NEK4: variants seen among roughly 807,000 people sequenced by gnomAD.
NEK4 encodes serine/threonine-protein kinase Nek4.
Under a neutral mutation model 98.4 loss-of-function variants are expected in NEK4, and 86 were observed. The ratio of observed to expected loss-of-function variants is 0.87; its 90% CI spans 0.73 to 1.05. NEK4 has a LOEUF of 1.05. NEK4 is among the 50% of genes least tolerant of loss of function. The probability of loss-of-function intolerance (pLI) is 0.00; values close to 1 mark genes in which losing one functional copy is unlikely to be tolerated. For missense variants in NEK4, 898 were observed against 950.3 expected (o/e 0.94, Z 0.72); for synonymous variants, 328 against 342.2 (o/e 0.96, Z 0.46).
chr3:52,759,355 C>T (rs1033797749), intron 6 of NEK4, among the ~76,000 whole-genome samples: 1 of 151,214 alleles, frequency 6.6e-6, no homozygotes, highest in East Asian at 1.9e-4. Flanking sequence ...GAGCCGTGAT[C>T]GCAGCACTGC....
rs186887799 is a variant in NEK4, at chr3:52,719,316, G to C, written c.2434-7447C>G. The stretch of plus-strand genomic sequence containing the variant: ...ATAGGGTGGGCTAGTTTGCAGAGAC[G>C]ATTACAAAGCTGGGAGGAGGCCTCT... On this transcript the variant is annotated intron_variant, in intron 15 of 15. Transcript: ENST00000233027. Among the ~76,000 whole-genome samples, 8 of 152,202 alleles carry C rather than the reference G, an allele frequency of 5.3e-5. No homozygotes were observed. The East Asian group carries it at 1.2e-3, about 22-fold the overall frequency.
intron 4 of NEK4, among the ~76,000 whole-genome samples, chr3:52,765,509 T>C (rs1374689157): frequency 2.6e-5 from 4 of 152,192 alleles, no homozygotes; most frequent in Admixed American, 2.0e-4. Context: ...ATTGTTGTGA[T>C]GATTATCAAA....
chr3:52,734,274 G>A (rs571316273), intron 15 of NEK4, among the ~76,000 whole-genome samples: 12 of 152,002 alleles, frequency 7.9e-5, no homozygotes, highest in South Asian at 4.2e-4. Context: ...GTGAAACCCC[G>A]TCTCTACTCT....
intron 9 of NEK4, among the ~76,000 whole-genome samples, chr3:52,746,502 T>C (rs1252997090): frequency 6.6e-6 from 1 of 152,238 alleles, no homozygotes; most frequent in Non-Finnish European, 1.5e-5. Context: ...CACATTAGCC[T>C]ATTCCTTTAA....
At chr3:52,768,245 A>G (rs1396991842) in intron 2 of NEK4, 93 bp downstream of exon 2, 27 of 1,132,516 alleles carry the variant, frequency 2.4e-5, no homozygotes, top group Non-Finnish European at 3.3e-5. Context: ...ACATTTCTAT[A>G]TGTAAGTATC....
At chr3:52,737,385 ACAGGTG>A (rs1478827931) in intron 15 of NEK4, 195 bp downstream of exon 15, 3 of 492,604 alleles carry the variant, frequency 6.1e-6, no homozygotes, top group East Asian at 6.1e-5. Flanking sequence ...GTGACTGCTA[ACAGGTG>A]CAGGGCTTCT....
At chr3:52,733,624 A>C (rs2097372096) in intron 15 of NEK4, 2 of 499,624 alleles carry the variant, frequency 4.0e-6, no homozygotes, top group Non-Finnish European at 4.0e-6. Flanking sequence ...CGTTGAAAGC[A>C]TTTAGCAAGC....
intron 6 of NEK4, among the ~76,000 whole-genome samples, chr3:52,759,855 T>C (rs1698293818): frequency 6.6e-6 from 1 of 152,138 alleles, no homozygotes; most frequent in Non-Finnish European, 1.5e-5. Context: ...GATGAATGGA[T>C]AAACAGTGGT....
intron 15 of NEK4, among the ~76,000 whole-genome samples, chr3:52,735,264 G>A (rs1416052598): frequency 6.6e-6 from 1 of 152,200 alleles, no homozygotes; most frequent in Non-Finnish European, 1.5e-5. Context: ...CATCAGAGAT[G>A]TCTAAACTTT....
At chr3:52,769,329 T>C (rs1431217440) in intron 1 of NEK4, among the ~76,000 whole-genome samples, 1 of 152,196 alleles carries the variant, frequency 6.6e-6, no homozygotes, top group Non-Finnish European at 1.5e-5. Flanking sequence ...AGTCTGTGGA[T>C]TACGTTAGAT....
At chr3:52,715,389 TTCTC>T (rs1420660082) in intron 15 of NEK4, among the ~76,000 whole-genome samples, 3 of 152,096 alleles carry the variant, frequency 2.0e-5, no homozygotes, top group Non-Finnish European at 2.9e-5. Flanking sequence ...CTCTGAGCTG[TTCTC>T]TCTCTTTTTC....
At chr3:52,737,852 C>A in intron 14 of NEK4, 133 bp from the exon 15 acceptor site, 2 of 666,410 alleles carry the variant, frequency 3.0e-6, no homozygotes, top group Non-Finnish European at 4.6e-6. Flanking sequence ...CTTGCTCTGT[C>A]GCCCAGGCTG....
chr3:52,752,040 C>G lies in NEK4; in HGVS notation c.1260G>C (p.Gln420His), dbSNP rs760878294. ...ACCACATGGGAATCAGGTTTTCAGG[C>G]TGGGCACTGGATTTAGTGTTGTCCT... ...MLQDNTKSSA[Q>H]PENLIPMWSS... is the part of the protein sequence containing the mutation. The change falls in exon 7 of 16, where the codon CAG becomes CAC. Residue 420 changes from glutamine to histidine, a missense_variant. By Grantham distance (24) the Gln-to-His change is conservative (BLOSUM62 0). Coordinates refer to ENST00000233027, the MANE Select transcript of NEK4 (RefSeq NM_003157.6). The G allele has an allele frequency of 6.2e-7, 1 of 1,614,220 alleles. No individual in the cohort carries two copies. The highest frequency in any genetic ancestry group is 8.5e-7 in the Non-Finnish European group (1 of 1,180,038).
intron 7 of NEK4, among the ~76,000 whole-genome samples, chr3:52,750,800 G>T (rs1041233152): frequency 5.9e-5 from 9 of 151,860 alleles, no homozygotes; most frequent in African/African-American, 2.2e-4. Flanking sequence ...AATTAGCAGG[G>T]CATGTCTGTG....
chr3:52,738,067 C>A (rs1488788230), intron 14 of NEK4, among the ~76,000 whole-genome samples: 1 of 152,096 alleles, frequency 6.6e-6, no homozygotes, highest in Non-Finnish European at 1.5e-5. Flanking sequence ...CCCACCTCAG[C>A]CTCCCAAAGT....
chr3:52,714,394 T>C (rs954899798), intron 15 of NEK4, among the ~76,000 whole-genome samples: 2 of 152,158 alleles, frequency 1.3e-5, no homozygotes, highest in Non-Finnish European at 2.9e-5. Flanking sequence ...AAGGGAGGTG[T>C]GAGCGGTGAT....
At chr3:52,751,167 G>C (rs6445536) in intron 7 of NEK4, among the ~76,000 whole-genome samples, 1 of 151,930 alleles carries the variant, frequency 6.6e-6, no homozygotes, top group Non-Finnish European at 1.5e-5. Flanking sequence ...AAAAGTAGCC[G>C]GGCATCGGCC....
At chr3:52,758,153 T>C (rs1284115122) in intron 6 of NEK4, among the ~76,000 whole-genome samples, 1 of 120,230 alleles carries the variant, frequency 8.3e-6, no homozygotes, top group African/African-American at 3.3e-5. Context: ...CACTCCAGCC[T>C]GGGTGACACA....
chr3:52,763,914 G>A (rs553768527), intron 4 of NEK4, among the ~76,000 whole-genome samples: 1 of 152,322 alleles, frequency 6.6e-6, no homozygotes, highest in African/African-American at 2.4e-5. Flanking sequence ...ATGCAGTACT[G>A]TTCTTGCAGT....
Sources: allele counts gnomAD v4.1 joint callset (sites outside exome capture counted in the v4.1 genomes callset), GRCh38; gene constraint gnomAD v4.1.1; transcripts MANE v1.5; gene names NCBI Gene and HGNC (gene_info 2026-07-23, HGNC 2026-07-21).